The following DLGAP1 variants were observed in gnomAD, a reference collection of about 807,000 sequenced individuals.
DLGAP1 encodes the protein DLG associated protein 1.
Under a neutral mutation model 90.8 loss-of-function variants are expected in DLGAP1, and 11 were observed. The ratio of observed to expected loss-of-function variants is 0.12; its 90% CI spans 0.08 to 0.20. The LOEUF is 0.20. Among genes scored for constraint, DLGAP1 ranks in the 10% least tolerant of loss-of-function variants. The pLI is 1.00. For synonymous variants in DLGAP1, 558 were observed against 540.7 expected (o/e 1.03, Z -0.44); for missense variants, 1,050 against 1,333.8 (o/e 0.79, Z 3.31).
intron 2 of DLGAP1, among the ~76,000 whole-genome samples, chr18:4,104,125 G>A (rs1367299502): frequency 6.6e-6 from 1 of 151,966 alleles, no homozygotes. Flanking sequence ...CTACCTGGAT[G>A]TAGTTTCAGA....
At chr18:4,019,373 C>T (rs2074572729) in intron 2 of DLGAP1, among the ~76,000 whole-genome samples, 1 of 152,112 alleles carries the variant, frequency 6.6e-6, no homozygotes, top group African/African-American at 2.4e-5. Flanking sequence ...CCTATAAACA[C>T]TTCCGTCGCT....
intron 1 of DLGAP1, among the ~76,000 whole-genome samples, chr18:4,328,078 T>C (rs2080864268): frequency 6.7e-6 from 1 of 149,850 alleles, no homozygotes; most frequent in African/African-American, 2.5e-5. Flanking sequence ...AATAATTTTC[T>C]TTTCCAAAAG....
At position 3,994,453 on chromosome 18, in the gene DLGAP1, A is replaced by G. The variant is rs573468209; in HGVS notation, c.-73+10663T>C. Among the ~76,000 whole-genome samples the G allele has an allele frequency of 4.6e-5, 7 of 152,042 alleles. No individual in the cohort carries two copies. The East Asian group carries it at 1.4e-3, about 29-fold the overall frequency. On this transcript the variant is annotated intron_variant, in intron 3 of 12. Transcript: ENST00000315677. ...TATAAACAGACCCTTCTCTAAATTC[A>G]CCTCAACTCTCTTAATGGGATTCTC...
intron 10 of DLGAP1, among the ~76,000 whole-genome samples, chr18:3,525,649 T>G (rs2051568545): frequency 6.6e-6 from 1 of 152,224 alleles, no homozygotes; most frequent in Non-Finnish European, 1.5e-5. Context: ...TCTGCCTGCC[T>G]CGGCCTCCCA....
At chr18:4,119,475 G>T (rs879433126) in intron 2 of DLGAP1, among the ~76,000 whole-genome samples, 1 of 152,142 alleles carries the variant, frequency 6.6e-6, no homozygotes, top group Non-Finnish European at 1.5e-5. Flanking sequence ...CACTCAGATC[G>T]ATCTGCATTT....
chr18:4,269,348 A>ATTTTTT (rs1358148826), intron 1 of DLGAP1, among the ~76,000 whole-genome samples: 2 of 133,490 alleles, frequency 1.5e-5, no homozygotes, highest in Non-Finnish European at 3.1e-5. Context: ...ATATATATAT[A>ATTTTTT]TATATATTTT....
At chr18:3,547,214 T>C (rs984492364) in intron 9 of DLGAP1, among the ~76,000 whole-genome samples, 1 of 141,720 alleles carries the variant, frequency 7.1e-6, no homozygotes, top group African/African-American at 2.7e-5. Flanking sequence ...GGCAGGAGAA[T>C]GGCTTGAACC....
intron 2 of DLGAP1, among the ~76,000 whole-genome samples, chr18:4,103,621 A>G (rs2075814517): frequency 6.6e-6 from 1 of 152,156 alleles, no homozygotes; most frequent in Non-Finnish European, 1.5e-5. Context: ...ACTAGGAATT[A>G]TAGTATTGAA....
chr18:3,638,676 T>A (rs939611143), intron 7 of DLGAP1, among the ~76,000 whole-genome samples: 5 of 152,222 alleles, frequency 3.3e-5, no homozygotes, highest in African/African-American at 9.6e-5. Context: ...CAGTGACTAT[T>A]CTGTTAATCT....
chr18:4,022,336 A>T (rs1045563999), intron 2 of DLGAP1, among the ~76,000 whole-genome samples: 12 of 150,094 alleles, frequency 8.0e-5, no homozygotes, highest in African/African-American at 2.9e-4. Flanking sequence ...CCCTCCAACC[A>T]TAGTCAGCTT....
chr18:4,019,817 A>G (rs9957787), intron 2 of DLGAP1, among the ~76,000 whole-genome samples: 48,224 of 151,634 alleles, frequency 0.32, 8,386 homozygotes, highest in African/African-American at 0.44. Flanking sequence ...GTGTGCGCGC[A>G]CACACACACA....
At chr18:3,608,638 CTG>C (rs531936195) in intron 7 of DLGAP1, among the ~76,000 whole-genome samples, 8 of 152,168 alleles carry the variant, frequency 5.3e-5, no homozygotes, top group Non-Finnish European at 1.2e-4. Context: ...AGGTCACTCA[CTG>C]TGAGAGCTGG....
At chr18:4,086,373 G>A (rs2075681032) in intron 2 of DLGAP1, among the ~76,000 whole-genome samples, 1 of 152,040 alleles carries the variant, frequency 6.6e-6, no homozygotes, top group Middle Eastern at 3.2e-3. Flanking sequence ...AATAAAAACG[G>A]CATTATTACT....
intron 10 of DLGAP1, among the ~76,000 whole-genome samples, chr18:3,513,946 G>C (rs768748044): frequency 2.0e-5 from 3 of 152,146 alleles, no homozygotes; most frequent in Non-Finnish European, 4.4e-5. Flanking sequence ...GTGGGTCTAT[G>C]GCAAAGCTGC....
At chr18:4,444,100 T>C (rs1191687767) in intron 1 of DLGAP1, among the ~76,000 whole-genome samples, 1 of 152,158 alleles carries the variant, frequency 6.6e-6, no homozygotes. Flanking sequence ...AGAAGGTGAA[T>C]GCAATTGGAA....
At chr18:3,772,224 CTTTT>C (rs1196826318) in intron 5 of DLGAP1, among the ~76,000 whole-genome samples, 1 of 146,488 alleles carries the variant, frequency 6.8e-6, no homozygotes, top group Non-Finnish European at 1.5e-5. Flanking sequence ...TTCTCTCTTT[CTTTT>C]CTTTCTCTCC....
At chr18:4,449,779 C>T (rs1378336839) in intron 1 of DLGAP1, among the ~76,000 whole-genome samples, 1 of 152,156 alleles carries the variant, frequency 6.6e-6, no homozygotes, top group East Asian at 1.9e-4. Context: ...GAGACCTTCC[C>T]TGATTAAATG....
intron 4 of DLGAP1, among the ~76,000 whole-genome samples, chr18:3,861,117 T>C (rs2070025357): frequency 2.0e-5 from 3 of 152,186 alleles, no homozygotes; most frequent in Admixed American, 1.3e-4. Context: ...CTTCGACGCT[T>C]ATATAGAGAA....
intron 4 of DLGAP1, among the ~76,000 whole-genome samples, chr18:3,849,263 T>G (rs981865683): frequency 6.6e-6 from 1 of 152,182 alleles, no homozygotes; most frequent in Non-Finnish European, 1.5e-5. Context: ...ACTTTACTTA[T>G]GAGCAGAAGG....
Sources: allele counts gnomAD v4.1 joint callset (sites outside exome capture counted in the v4.1 genomes callset), GRCh38; gene constraint gnomAD v4.1.1; transcripts MANE v1.5; gene names NCBI Gene and HGNC (gene_info 2026-07-23, HGNC 2026-07-21).